Variants in UGT2A3 observed in about 807,000 individuals in gnomAD.
The protein encoded by UGT2A3 is UDP glucuronosyltransferase family 2 member A3.
A neutral mutation model predicts 44.1 loss-of-function variants in UGT2A3; 55 were observed. The ratio of observed to expected loss-of-function variants is 1.25; its 90% CI spans 1.00 to 1.56. UGT2A3 has a LOEUF of 1.56. Among genes scored for constraint, UGT2A3 ranks in the 40% most tolerant of loss-of-function variants. The pLI, the probability that UGT2A3 is intolerant of heterozygous loss-of-function variation, is 0.00. For missense variants in UGT2A3, 733 were observed against 621.6 expected (o/e 1.18, Z -1.91); for synonymous variants, 243 against 215.1 (o/e 1.13, Z -1.13).
chr4:68,945,269 A>G lies in UGT2A3; in HGVS notation c.864+37T>C, dbSNP rs771356952. ...CTTTCAAGGGAAAACAAGTCATGTCATAAAGTACATAATATTCCTTAATAC... is the reference window on the plus strand; with the variant it reads ...CTTTCAAGGGAAAACAAGTCATGTCGTAAAGTACATAATATTCCTTAATAC... On this transcript the variant is annotated intron_variant, in intron 2 of 5. Transcript: ENST00000251566. 4 of 1,607,354 alleles carry G rather than the reference A, an allele frequency of 2.5e-6. No homozygotes were observed. The Admixed American group carries it at 6.7e-5, about 27-fold the overall frequency.
chr4:68,951,082 A>T lies in UGT2A3; in HGVS notation c.679T>A (p.Tyr227Asn). 2 of 1,596,376 alleles carry T rather than the reference A, an allele frequency of 1.3e-6. No homozygotes were observed. The highest frequency in any genetic ancestry group is 1.7e-6 in the Non-Finnish European group (2 of 1,173,942). Reference sequence around the variant, plus strand: ...CTATAAAACTCTTCCCAAAAATGATAGTCGTAATCCTGAATCCAGAAGTGG... The same window carrying T: ...CTATAAAACTCTTCCCAAAAATGATTGTCGTAATCCTGAATCCAGAAGTGG... ...LFHFWIQDYD[Y>N]HFWEEFYSKA... is the part of the protein sequence containing the mutation. Residue 227 changes from tyrosine to asparagine, a missense_variant, in exon 1 of 6, where the codon TAT becomes AAT. Tyr to Asn is a moderately radical substitution (Grantham distance 143, BLOSUM62 -2). Coordinates refer to ENST00000251566, the MANE Select transcript of UGT2A3 (RefSeq NM_024743.4).
intron 2 of UGT2A3, 72 bp downstream of exon 2, chr4:68,945,234 A>T (rs1718339908): frequency 6.4e-7 from 1 of 1,555,654 alleles, no homozygotes; most frequent in Non-Finnish European, 8.8e-7. Flanking sequence ...TCTATAACTA[A>T]GGTTGTAATC....
In UGT2A3 at chr4:68,929,833, T is replaced by G; in HGVS notation, c.1564A>C (p.Lys522Gln). 6.2e-7 allele frequency: 1 copy of G among 1,602,958 alleles called. No homozygotes were observed. Among genetic ancestry groups the G allele is most frequent in the Non-Finnish European group, 8.5e-7 (1 of 1,173,298 alleles). The change falls in exon 6 of 6, where the codon AAG (lysine) becomes CAG (glutamine). Residue 522 changes from lysine to glutamine, a missense_variant. Transcript: ENST00000251566. Reference sequence around the variant, plus strand: ...AAGATCTATTCCCTCTTTTCTATCTTTCTAGTTTTATTAAATTTTTGACAG... The same window carrying G: ...AAGATCTATTCCCTCTTTTCTATCTGTCTAGTTTTATTAAATTTTTGACAG... ...FSCQKFNKTR[K>Q]IEKRE
chr4:68,934,603 G>A (rs577401705), intron 2 of UGT2A3, among the ~76,000 whole-genome samples: 20 of 152,052 alleles, frequency 1.3e-4, no homozygotes, highest in African/African-American at 4.8e-4. Context: ...CAGGCATAGA[G>A]GCTCATATCT....
chr4:68,930,879 C>T (rs888467608), intron 4 of UGT2A3, 114 bp from the exon 5 acceptor site: 1 of 935,186 alleles, frequency 1.1e-6, no homozygotes, highest in African/African-American at 1.7e-5. Context: ...ACAGCACTTT[C>T]TTTAGAAGGT....
intron 1 of UGT2A3, among the ~76,000 whole-genome samples, chr4:68,947,334 C>G (rs1718415584): frequency 1.3e-5 from 2 of 151,770 alleles, no homozygotes. Context: ...TAAAAAGTAA[C>G]TGTTTAAAAA....
intron 2 of UGT2A3, among the ~76,000 whole-genome samples, chr4:68,936,810 G>A (rs900918158): frequency 4.0e-5 from 6 of 148,712 alleles, no homozygotes; most frequent in African/African-American, 1.5e-4. Context: ...TTGTATTCAG[G>A]GGACCCATCT....
chr4:68,935,272 GTATGTATATATATATATATATA>G lies in UGT2A3; in HGVS notation c.865-2535_865-2514del, dbSNP rs1228534298. ...GACAAGGAGGTGTGTATGTATGTATGTATGTATATATATATATATATATATATATATATATATATATATATGC... is the reference window on the plus strand; with the variant it reads ...GACAAGGAGGTGTGTATGTATGTATGTATATATATATATATATATATATGC... On this transcript the variant is annotated intron_variant, in intron 2 of 5. Transcript: ENST00000251566. Among the ~76,000 whole-genome samples the G allele has an allele frequency of 8.3e-3, 744 of 89,282 alleles. 12 individuals carry two copies. The highest frequency in any genetic ancestry group is 0.024 in the African/African-American group (677 of 28,266). 58.6% of individuals were successfully genotyped at this position (89,282 alleles called of 152,430 possible).
At chr4:68,933,736 T>C (rs1485979305) in intron 2 of UGT2A3, among the ~76,000 whole-genome samples, 3 of 152,084 alleles carry the variant, frequency 2.0e-5, no homozygotes, top group African/African-American at 7.2e-5. Context: ...CAGTTATTTC[T>C]TAAGCCTTCC....
chr4:68,947,693 A>G (rs143547029), intron 1 of UGT2A3, among the ~76,000 whole-genome samples: 1 of 151,950 alleles, frequency 6.6e-6, no homozygotes, highest in Non-Finnish European at 1.5e-5. Flanking sequence ...TTGAAAGTCA[A>G]GGCTATATGA....
chr4:68,941,913 G>A (rs780031036), intron 2 of UGT2A3, among the ~76,000 whole-genome samples: 1 of 151,836 alleles, frequency 6.6e-6, no homozygotes, highest in Non-Finnish European at 1.5e-5. Context: ...TCAGGGAAAT[G>A]CAAATCAAAA....
At chr4:68,935,272 G>GTGTATATA (rs1388458483) in intron 2 of UGT2A3, among the ~76,000 whole-genome samples, 1 of 89,210 alleles carries the variant, frequency 1.1e-5, no homozygotes, top group African/African-American at 3.5e-5. Context: ...ATGTATGTAT[G>GTGTATATA]TATGTATATA....
intron 2 of UGT2A3, 44 bp from the exon 3 acceptor site, chr4:68,932,803 A>C (rs1398837507): frequency 6.4e-7 from 1 of 1,553,426 alleles, no homozygotes; most frequent in African/African-American, 1.4e-5. Context: ...ATAATATAAC[A>C]AAAATTAAAA....
chr4:68,947,245 G>A (rs542615488), intron 1 of UGT2A3, among the ~76,000 whole-genome samples: 1 of 151,688 alleles, frequency 6.6e-6, no homozygotes, highest in Non-Finnish European at 1.5e-5. Flanking sequence ...TAAGTCATTT[G>A]TAGCCATTTC....
chr4:68,945,274 G>A (rs777043025), intron 2 of UGT2A3, 32 bp downstream of exon 2: 5 of 1,608,032 alleles, frequency 3.1e-6, no homozygotes, highest in Non-Finnish European at 4.3e-6. Flanking sequence ...ATGTCATAAA[G>A]TACATAATAT....
chr4:68,943,020 A>T (rs1038730151), intron 2 of UGT2A3, among the ~76,000 whole-genome samples: 11 of 151,822 alleles, frequency 7.2e-5, no homozygotes, highest in Non-Finnish European at 1.2e-4. Context: ...TCTCTTAAAC[A>T]TGTGCAATTA....
At chr4:68,933,498 A>T (rs989656611) in intron 2 of UGT2A3, among the ~76,000 whole-genome samples, 10 of 152,038 alleles carry the variant, frequency 6.6e-5, no homozygotes, top group Non-Finnish European at 1.2e-4. Context: ...ATTGGAAGCA[A>T]AGAGCAGAAG....
chr4:68,933,604 A>G (rs1474241603), intron 2 of UGT2A3, among the ~76,000 whole-genome samples: 1 of 152,064 alleles, frequency 6.6e-6, no homozygotes, highest in East Asian at 1.9e-4. Flanking sequence ...GCACTACAGT[A>G]GTACAGGAGA....
At position 68,951,715 on chromosome 4, in the gene UGT2A3, A is replaced by G; in HGVS notation, c.46T>C (p.Phe16Leu). Residue 16 changes from phenylalanine (F) to leucine (L), a missense_variant, in exon 1 of 6, where the codon TTC (phenylalanine) becomes CTC (leucine). Coordinates refer to ENST00000251566, the MANE Select transcript of UGT2A3 (RefSeq NM_024743.4). ...CCACAGAATCCACAGCCAACACAGAAGAGCTGCAGGAGCAGAAATACCAAA... is the reference window on the plus strand; with the variant it reads ...CCACAGAATCCACAGCCAACACAGAGGAGCTGCAGGAGCAGAAATACCAAA... ...SALVFLLLQL[F>L]CVGCGFCGKV... 12 of 1,607,754 alleles carry G rather than the reference A, an allele frequency of 7.5e-6. No individual in the cohort carries two copies. The highest frequency in any genetic ancestry group is 1.0e-5 in the Non-Finnish European group (12 of 1,177,298).
Sources: gnomAD v4.1 joint callset for allele counts (sites outside exome capture counted in the v4.1 genomes callset) on GRCh38, gnomAD v4.1.1 for gene constraint, MANE v1.5 for transcripts, NCBI Gene and HGNC (gene_info 2026-07-23, HGNC 2026-07-21) for gene names.